ABCA1: variants seen among roughly 807,000 people sequenced by gnomAD.
ABCA1 encodes ATP binding cassette subfamily A member 1.
A neutral mutation model predicts 262.5 loss-of-function variants in ABCA1; 133 were observed. The observed-to-expected ratio is 0.51, with a 90% CI of 0.44 to 0.59. ABCA1 has a LOEUF of 0.59. ABCA1 is among the 20% of genes least tolerant of loss of function. The pLI is 0.00. For missense variants in ABCA1, 2,452 were observed against 2,777.5 expected, an observed-to-expected ratio of 0.88 and a Z score of 2.63; for synonymous variants, 1,022 against 1,043.5, an observed-to-expected ratio of 0.98 and a Z score of 0.40.
chr9:104,853,286 A>C (rs912659021), intron 7 of ABCA1, among the ~76,000 whole-genome samples: 4 of 152,164 alleles, frequency 2.6e-5, no homozygotes, highest in Non-Finnish European at 5.9e-5. Flanking sequence ...AGGATCAGAC[A>C]CCATTTTCAC....
intron 5 of ABCA1, among the ~76,000 whole-genome samples, chr9:104,878,764 A>G (rs994028893): frequency 6.6e-6 from 1 of 152,204 alleles, no homozygotes; most frequent in South Asian, 2.1e-4. Context: ...GTCTCTTCCA[A>G]TAAGTGGAAA....
chr9:104,861,625 T>G (rs773207493), intron 6 of ABCA1, 54 bp downstream of exon 6: 1 of 1,612,032 alleles, frequency 6.2e-7, no homozygotes, highest in East Asian at 2.2e-5. Flanking sequence ...TTCCAGTAGC[T>G]GCACAACGTA....
intron 17 of ABCA1, among the ~76,000 whole-genome samples, chr9:104,824,836 C>A (rs571760108): frequency 6.6e-6 from 1 of 152,330 alleles, no homozygotes; most frequent in Non-Finnish European, 1.5e-5. Context: ...GGATAAGGAG[C>A]CTATCCAAGG....
intron 27 of ABCA1, among the ~76,000 whole-genome samples, chr9:104,813,546 T>G (rs1831464858): frequency 6.6e-6 from 1 of 152,194 alleles, no homozygotes; most frequent in Non-Finnish European, 1.5e-5. Flanking sequence ...CCCAAGTAGC[T>G]GGGATGACAG....
At chr9:104,887,357 CTGAAAATTTA>C (rs1252175211) in intron 3 of ABCA1, among the ~76,000 whole-genome samples, 3 of 152,136 alleles carry the variant, frequency 2.0e-5, no homozygotes, top group Non-Finnish European at 4.4e-5. Context: ...CAGAACTTTT[CTGAAAATTTA>C]TGATCTGGAG....
chr9:104,855,756 A>G, intron 7 of ABCA1: 1 of 1,552,672 alleles, frequency 6.4e-7, no homozygotes, highest in African/African-American at 1.4e-5. Flanking sequence ...CAAATGCAAT[A>G]TTCAAACCCA....
intron 5 of ABCA1, 53 bp from the exon 6 acceptor site, chr9:104,861,853 A>AC: frequency 6.4e-7 from 1 of 1,565,810 alleles, no homozygotes; most frequent in South Asian, 1.1e-5. Context: ...AAAAAAAAAA[A>AC]AAAAGTGGGC....
chr9:104,913,634 C>T (rs1841631743), intron 1 of ABCA1, among the ~76,000 whole-genome samples: 1 of 152,154 alleles, frequency 6.6e-6, no homozygotes, highest in Non-Finnish European at 1.5e-5. Context: ...AAGCATTATA[C>T]GGTATCCTGT....
chr9:104,886,760 G>A (rs1839214717), intron 3 of ABCA1, among the ~76,000 whole-genome samples: 9 of 152,210 alleles, frequency 5.9e-5, no homozygotes, highest in Admixed American at 5.9e-4. Flanking sequence ...GGCAGTGGGT[G>A]TACAGGAAGA....
At chr9:104,888,145 C>T (rs1839371109) in intron 3 of ABCA1, among the ~76,000 whole-genome samples, 2 of 151,326 alleles carry the variant, frequency 1.3e-5, no homozygotes, top group South Asian at 2.1e-4. Flanking sequence ...ATAACTGTTG[C>T]TATATATTGT....
intron 37 of ABCA1, 149 bp downstream of exon 37, chr9:104,798,272 T>C: frequency 1.1e-6 from 1 of 919,966 alleles, no homozygotes; most frequent in Non-Finnish European, 1.7e-6. Flanking sequence ...GTCATGAAAG[T>C]GATCACCTGC....
Position 104,858,608 on chromosome 9 carries a change from A to T in ABCA1, c.634T>A (p.Ser212Thr), listed in dbSNP as rs115216814. The change falls in exon 7 of 50, where the codon TCT (serine) becomes ACT (threonine). Residue 212 changes from serine (S) to threonine (T), a missense_variant. Physicochemically the swap from Ser to Thr is moderately conservative, Grantham distance 58 (BLOSUM62 1). This residue lies in a region of ABCA1 where 1,032 missense variants were observed against 1,089.7 expected (regional missense o/e 0.95). Transcript: ENST00000374736. ...TCCCTTGGTAGGCCACAAAGCTCAG[A>T]AACTTCTTGGTCACCAAGTTGAATC... Reference protein sequence around the residue: ...EMIQLGDQEVSELCGLPREKL... With the variant: ...EMIQLGDQEVTELCGLPREKL... 1,249 of 1,614,190 alleles carry T rather than the reference A, an allele frequency of 7.7e-4. 11 individuals carry two copies. The African/African-American group carries it at 0.014, about 18-fold the overall frequency.
At chr9:104,888,000 C>T (rs1183150616) in intron 3 of ABCA1, among the ~76,000 whole-genome samples, 1 of 151,790 alleles carries the variant, frequency 6.6e-6, no homozygotes, top group Non-Finnish European at 1.5e-5. Flanking sequence ...GTGCCTGGCC[C>T]GCTCTTTTCT....
At chr9:104,857,798 T>A (rs1166405657) in intron 7 of ABCA1, among the ~76,000 whole-genome samples, 5 of 152,114 alleles carry the variant, frequency 3.3e-5, no homozygotes, top group Non-Finnish European at 7.4e-5. Flanking sequence ...ATCTGGTGAG[T>A]AGAAAACCAG....
At chr9:104,861,903 A>G in intron 5 of ABCA1, 103 bp from the exon 6 acceptor site, 1 of 1,066,756 alleles carries the variant, frequency 9.4e-7, no homozygotes, top group South Asian at 1.4e-5. Context: ...AATATTGATG[A>G]TCAACAGTTG....
intron 30 of ABCA1, among the ~76,000 whole-genome samples, chr9:104,808,854 A>G (rs1444218810): frequency 2.0e-5 from 3 of 152,206 alleles, no homozygotes; most frequent in East Asian, 1.9e-4. Flanking sequence ...GCACGGCCTC[A>G]TAAGATCCTC....
In ABCA1 at chr9:104,897,713, C is replaced by T. The variant is rs1476776667; in HGVS notation, c.66+5901G>A. ...CACCTGCCAGGTTCAAGCAAATTCTCCTGCCTCACCCTCCCAAATAGCTGG... is the reference window on the plus strand; with the variant it reads ...CACCTGCCAGGTTCAAGCAAATTCTTCTGCCTCACCCTCCCAAATAGCTGG... On this transcript the variant is annotated intron_variant, in intron 2 of 49. Transcript: ENST00000374736. 2.0e-5 allele frequency among the ~76,000 whole-genome samples: 3 copies of T among 152,214 alleles called. No individual in the cohort carries two copies. In the East Asian group the frequency reaches 5.8e-4, roughly 29 times the overall value.
chr9:104,825,942 A>G, intron 16 of ABCA1, 55 bp from the exon 17 acceptor site: 1 of 1,581,250 alleles, frequency 6.3e-7, no homozygotes, highest in African/African-American at 1.3e-5. Flanking sequence ...TCATTTTTCT[A>G]TCTCTTCTAG....
intron 12 of ABCA1, 97 bp from the exon 13 acceptor site, chr9:104,831,924 G>T: frequency 9.3e-7 from 1 of 1,072,856 alleles, no homozygotes; most frequent in Non-Finnish European, 1.4e-6. Flanking sequence ...CTGACTACAC[G>T]ATTGCTCATC....
Sources: allele counts gnomAD v4.1 joint callset (sites outside exome capture counted in the v4.1 genomes callset), GRCh38; gene constraint gnomAD v4.1.1; regional missense constraint gnomAD v4.1.1; transcripts MANE v1.5; gene names NCBI Gene and HGNC (gene_info 2026-07-23, HGNC 2026-07-21).